Variants in GPD2 observed in about 807,000 individuals in gnomAD.
GPD2 encodes the protein glycerol-3-phosphate dehydrogenase 2, also known as glycerol-3-phosphate dehydrogenase, mitochondrial.
Under a neutral mutation model 82.4 loss-of-function variants are expected in GPD2, and 54 were observed. The ratio of observed to expected loss-of-function variants is 0.66; its 90% CI spans 0.53 to 0.82. GPD2 has a LOEUF of 0.82. Ranked by LOEUF, GPD2 falls within the 40% of genes least tolerant of loss-of-function variation. GPD2 has a pLI of 0.00. For missense variants in GPD2, 748 were observed against 896.2 expected (o/e 0.83, Z 2.11); for synonymous variants, 288 against 306.1 (o/e 0.94, Z 0.62).
intron 13 of GPD2, among the ~76,000 whole-genome samples, chr2:156,572,091 C>A (rs549988773): frequency 2.6e-5 from 4 of 151,932 alleles, no homozygotes; most frequent in African/African-American, 9.7e-5. Context: ...ACAATTGATT[C>A]CCCCTTCCTT....
intron 6 of GPD2, among the ~76,000 whole-genome samples, chr2:156,538,654 A>G (rs1273983090): frequency 6.6e-6 from 1 of 151,902 alleles, no homozygotes; most frequent in Non-Finnish European, 1.5e-5. Flanking sequence ...CCCCGTCTCT[A>G]CTAAAAATAC....
chr2:156,549,580 C>T (rs1686674157), intron 6 of GPD2, 28 bp from the exon 7 acceptor site: 1 of 1,609,420 alleles, frequency 6.2e-7, no homozygotes, highest in Non-Finnish European at 8.5e-7. Context: ...TGACTCCTCT[C>T]CCTCCCCTGA....
At chr2:156,508,549 G>A (rs1684868104) in intron 3 of GPD2, among the ~76,000 whole-genome samples, 1 of 152,154 alleles carries the variant, frequency 6.6e-6, no homozygotes, top group South Asian at 2.1e-4. Flanking sequence ...AGGTGAGGAA[G>A]CTGTGGGCTG....
Position 156,481,671 on chromosome 2 carries a change from A to T in GPD2, c.102+5464A>T, listed in dbSNP as rs1350087707. Among the ~76,000 whole-genome samples, 10 of 148,778 alleles carry T rather than the reference A, an allele frequency of 6.7e-5. No individual in the cohort carries two copies. The South Asian group carries it at 1.1e-3, about 16-fold the overall frequency. On this transcript the variant is annotated intron_variant, in intron 2 of 16. Coordinates refer to ENST00000438166, the MANE Select transcript of GPD2 (RefSeq NM_000408.5). ...TTCTTTTTTTTTTTTTTAAATAGAG[A>T]TGGGGTCTTGCCATGTTGCTCAGGC...
chr2:156,576,779 A>G (rs1184089737), intron 13 of GPD2, among the ~76,000 whole-genome samples: 1 of 152,228 alleles, frequency 6.6e-6, no homozygotes, highest in Non-Finnish European at 1.5e-5. Context: ...GATAAATTAC[A>G]CATGCAATGA....
chr2:156,568,841 C>T lies in GPD2; in HGVS notation c.1182C>T (p.Val394=), dbSNP rs772304868. ...TCCTACCAGTGAGAAGAGGGGATGTCCTGGCAGCATGGAGTGGAATCCGTC... is the reference window on the plus strand; with the variant it reads ...TCCTACCAGTGAGAAGAGGGGATGTTCTGGCAGCATGGAGTGGAATCCGTC... ...SCDVEVRRGD[V]LAAWSGIRPL... Residue 394 remains valine, a synonymous_variant, in exon 10 of 17, where the codon GTC becomes GTT. Coordinates refer to ENST00000438166, the MANE Select transcript of GPD2 (RefSeq NM_000408.5). The T allele has an allele frequency of 2.5e-6, 4 of 1,612,534 alleles. No individual in the cohort carries two copies. Among genetic ancestry groups the T allele is most frequent in the African/African-American group, 1.3e-5 (1 of 74,818 alleles).
intron 1 of GPD2, among the ~76,000 whole-genome samples, chr2:156,465,361 CTT>C (rs67390264): frequency 8.8e-4 from 101 of 114,876 alleles, no homozygotes; most frequent in East Asian, 4.5e-3. Context: ...TTCTTTCTTT[CTT>C]TTTTTTTTTT....
At chr2:156,459,595 G>A (rs1159486305) in intron 1 of GPD2, among the ~76,000 whole-genome samples, 1 of 140,896 alleles carries the variant, frequency 7.1e-6, no homozygotes, top group African/African-American at 2.6e-5. Context: ...GCCTGATGCA[G>A]GAGAATCGCT....
chr2:156,405,645 G>A, the GPD2 span, among the ~76,000 whole-genome samples: 1 of 152,146 alleles, frequency 6.6e-6, no homozygotes, highest in Non-Finnish European at 1.5e-5. Flanking sequence ...GCTGTAGTAG[G>A]CAGTGATTTC....
At chr2:156,471,454 A>T (rs1170938797) in intron 1 of GPD2, among the ~76,000 whole-genome samples, 2 of 152,136 alleles carry the variant, frequency 1.3e-5, no homozygotes, top group African/African-American at 4.8e-5. Context: ...ATTTTACTTC[A>T]CGTGTACACA....
At chr2:156,568,745 C>T (rs1337579814) in intron 9 of GPD2, 80 bp from the exon 10 acceptor site, 2 of 1,275,654 alleles carry the variant, frequency 1.6e-6, no homozygotes, top group Non-Finnish European at 1.1e-6. Flanking sequence ...TGTCACCGAA[C>T]TCTTTTTATT....
At chr2:156,565,707 A>C (rs1366513506) in intron 9 of GPD2, among the ~76,000 whole-genome samples, 1 of 152,108 alleles carries the variant, frequency 6.6e-6, no homozygotes, top group Non-Finnish European at 1.5e-5. Context: ...ATCTATAGTA[A>C]AATATGCCAG....
At position 156,582,832 on chromosome 2, in the gene GPD2, C is replaced by T. The variant is rs919043160; in HGVS notation, c.2098C>T (p.Arg700Trp). 9.3e-6 allele frequency: 15 copies of T among 1,612,734 alleles called. No homozygotes were observed. Among genetic ancestry groups the T allele is most frequent in the East Asian group, 2.2e-5 (1 of 44,856 alleles). ...TCAAAAAGGAAGGGTATCTGGAAGC[C>T]GGCTTGCTATACTAATGAAAACTGC... is the stretch of plus-strand genomic sequence containing the variant. Reference protein sequence around the residue: ...AIQKGRVSGSRLAILMKTAEE... With the variant: ...AIQKGRVSGSWLAILMKTAEE... The change falls in exon 17 of 17, where the codon CGG becomes TGG. Residue 700 changes from arginine (R) to tryptophan (W), a missense_variant. Transcript: ENST00000438166.
intron 6 of GPD2, among the ~76,000 whole-genome samples, chr2:156,513,867 A>G (rs1357584895): frequency 6.6e-6 from 1 of 152,172 alleles, no homozygotes; most frequent in African/African-American, 2.4e-5. Context: ...AAAGCAGCTG[A>G]GGATATGTTA....
intron 2 of GPD2, among the ~76,000 whole-genome samples, chr2:156,489,687 TCTTCCTTCCTTCCTTCCTTCCTTCCTTC>T (rs143845551): frequency 9.2e-6 from 1 of 109,102 alleles, no homozygotes; most frequent in Middle Eastern, 4.1e-3. Flanking sequence ...TTTCCTTCCT[TCTTCCTTCCTTCCTTCCTTCCTTCCTTC>T]CTTCCTTCCT....
chr2:156,547,188 A>G (rs1686574292), intron 6 of GPD2, among the ~76,000 whole-genome samples: 1 of 152,242 alleles, frequency 6.6e-6, no homozygotes, highest in Non-Finnish European at 1.5e-5. Context: ...AGATGGACAC[A>G]TGGATGATTC....
rs573888118 is a variant in GPD2, at chr2:156,482,272, C to G, written c.102+6065C>G. 9.8e-5 allele frequency among the ~76,000 whole-genome samples: 15 copies of G among 152,294 alleles called. No individual in the cohort carries two copies. In the South Asian group the frequency reaches 1.2e-3, roughly 13 times the overall value. Reference sequence around the variant, plus strand: ...AGGTGTACCAACACTCTTCTGTTTTCCTTTCTCCTTGCTTCCGGATCTGAG... The same window carrying G: ...AGGTGTACCAACACTCTTCTGTTTTGCTTTCTCCTTGCTTCCGGATCTGAG... On this transcript the variant is annotated intron_variant, in intron 2 of 16. Transcript: ENST00000438166.
intron 9 of GPD2, among the ~76,000 whole-genome samples, chr2:156,563,947 G>T (rs1687266851): frequency 6.6e-6 from 1 of 152,240 alleles, no homozygotes; most frequent in South Asian, 2.1e-4. Flanking sequence ...ATAACCACAT[G>T]CTACTAATGG....
chr2:156,443,531 T>C (rs1682252611), intron 1 of GPD2, among the ~76,000 whole-genome samples: 1 of 152,242 alleles, frequency 6.6e-6, no homozygotes, highest in African/African-American at 2.4e-5. Context: ...CTGGATACTT[T>C]AAGCTTCATC....
Sources: gnomAD v4.1 joint callset for allele counts (sites outside exome capture counted in the v4.1 genomes callset) on GRCh38, gnomAD v4.1.1 for gene constraint, MANE v1.5 for transcripts, NCBI Gene and HGNC (gene_info 2026-07-23, HGNC 2026-07-21) for gene names.